CHD1L: variants seen among roughly 807,000 people sequenced by gnomAD.
The protein encoded by CHD1L is chromodomain helicase DNA binding protein 1 like, also known as ATP-dependent chromatin remodeler CHD1L.
In CHD1L, 118 loss-of-function variants were observed where a neutral mutation model predicts 115.9. The observed-to-expected ratio is 1.02, with a 90% CI of 0.88 to 1.19. CHD1L has a LOEUF of 1.19. Among genes scored for constraint, CHD1L ranks in the 50% most tolerant of loss-of-function variants. The pLI, the probability that CHD1L is intolerant of heterozygous loss-of-function variation, is 0.00. For synonymous variants in CHD1L, 411 were observed against 387.1 expected (o/e 1.06, Z -0.72); for missense variants, 1,179 against 1,065.3 (o/e 1.11, Z -1.49).
At chr1:147,191,844 G>A in the CHD1L span, among the ~76,000 whole-genome samples, 642 of 152,084 alleles carry the variant, frequency 4.2e-3, 4 homozygotes, top group South Asian at 0.018. Context: ...TATTTCTGAG[G>A]GCTCTGTCCT....
intron 19 of CHD1L, among the ~76,000 whole-genome samples, chr1:147,291,101 A>C (rs1685353239): frequency 1.3e-5 from 2 of 152,176 alleles, no homozygotes; most frequent in Non-Finnish European, 2.9e-5. Context: ...ATATTATACA[A>C]ACAGGTAGAG....
In CHD1L at chr1:147,291,487, A is replaced by T. The variant is rs782292994; in HGVS notation, c.2326A>T (p.Ser776Cys). Residue 776 changes from serine to cysteine, a missense_variant, in exon 20 of 23, where the codon AGT becomes TGT. Coordinates refer to ENST00000369258, the MANE Select transcript of CHD1L (RefSeq NM_004284.6). ...TCCTTTCTGTTTTACCTCAGACCTG[A>T]GTTTGGGAGGTGTCCTTTTATTTCC... ...YELAGKMKDL[S>C]LGGVLLFPVD... 18 of 1,613,506 alleles carry T rather than the reference A, an allele frequency of 1.1e-5. No individual in the cohort carries two copies. The African/African-American group carries it at 2.4e-4, about 22-fold the overall frequency.
intron 17 of CHD1L, 98 bp from the exon 18 acceptor site, chr1:147,286,200 A>G (rs1304039989): frequency 8.6e-7 from 1 of 1,169,000 alleles, no homozygotes; most frequent in East Asian, 2.5e-5. Context: ...TTGCATTTCT[A>G]CTTGGCAGAT....
chr1:147,215,807 A>G, the CHD1L span: 1 of 1,613,408 alleles, frequency 6.2e-7, no homozygotes, highest in Non-Finnish European at 8.5e-7. Context: ...ATCCTGAAAT[A>G]CTCCAGGACC....
At chr1:147,223,387 T>TC in the CHD1L span, among the ~76,000 whole-genome samples, 43 of 152,360 alleles carry the variant, frequency 2.8e-4, no homozygotes, top group East Asian at 8.1e-3. Context: ...GGATTGTATT[T>TC]CGGTTCAACT....
At chr1:147,245,327 C>T (rs1344565249) in intron 1 of CHD1L, among the ~76,000 whole-genome samples, 1 of 152,232 alleles carries the variant, frequency 6.6e-6, no homozygotes, top group Non-Finnish European at 1.5e-5. Context: ...CACTTAGCTA[C>T]TACCTCATGG....
At chr1:147,241,525 C>G (rs148132869), upstream of CHD1L, among the ~76,000 whole-genome samples, 13,376 of 152,166 alleles carry the variant, frequency 0.088, 661 homozygotes, top group East Asian at 0.16. Context: ...CCCACCTGCA[C>G]CCAGGTGAAA....
intron 3 of CHD1L, among the ~76,000 whole-genome samples, 161 bp from the exon 4 acceptor site, chr1:147,255,652 A>G (rs1425379507): frequency 6.6e-6 from 1 of 152,190 alleles, no homozygotes; most frequent in Non-Finnish European, 1.5e-5. Flanking sequence ...CTGAGGTTCA[A>G]CCATTTTTTT....
At position 147,267,410 on chromosome 1, in the gene CHD1L, T is replaced by A; in HGVS notation, c.896-16T>A. On this transcript the variant is annotated splice_polypyrimidine_tract_variant and intron_variant, in intron 8 of 22. Coordinates refer to ENST00000369258, the MANE Select transcript of CHD1L (RefSeq NM_004284.6). ...GGCCATCTCTTTCTGTCTCTCTCTT[T>A]TTTTTTAAATTTCAGATGCATTTGA... The A allele has an allele frequency of 6.3e-7, 1 of 1,599,918 alleles. No homozygotes were observed. The highest frequency in any genetic ancestry group is 8.6e-7 in the Non-Finnish European group (1 of 1,168,742).
chr1:147,198,096 A>G, the CHD1L span, among the ~76,000 whole-genome samples: 3 of 152,268 alleles, frequency 2.0e-5, no homozygotes, highest in Admixed American at 6.5e-5. Context: ...TAATGTTATG[A>G]GAGAAAAGAG....
chr1:147,238,620 C>T (rs1334629172), upstream of CHD1L, among the ~76,000 whole-genome samples: 1 of 152,154 alleles, frequency 6.6e-6, no homozygotes, highest in Non-Finnish European at 1.5e-5. Context: ...GGGAGTTAAT[C>T]ACGACTCACA....
chr1:147,290,575 C>T (rs1000635982), intron 19 of CHD1L, among the ~76,000 whole-genome samples: 2 of 152,174 alleles, frequency 1.3e-5, no homozygotes, highest in Non-Finnish European at 2.9e-5. Flanking sequence ...TTTGTAAAAT[C>T]TGTTGTGATA....
At chr1:147,212,887 T>C in the CHD1L span, among the ~76,000 whole-genome samples, 2 of 152,140 alleles carry the variant, frequency 1.3e-5, no homozygotes, top group Admixed American at 6.5e-5. Context: ...TATATTCTTA[T>C]ATACTTTAGA....
chr1:147,279,987 A>G (rs149417841), intron 14 of CHD1L, 39 bp from the exon 15 acceptor site: 163 of 1,609,646 alleles, frequency 1.0e-4, no homozygotes, highest in Non-Finnish European at 1.3e-4. Context: ...GTTTCTTTTC[A>G]TGAGAATTTG....
At chr1:147,246,591 A>T (rs1666694563) in intron 1 of CHD1L, among the ~76,000 whole-genome samples, 1 of 152,168 alleles carries the variant, frequency 6.6e-6, no homozygotes, top group East Asian at 1.9e-4. Context: ...TTTTATATTG[A>T]CTATTCTAAT....
chr1:147,262,088 T>C (rs946925866), intron 6 of CHD1L, among the ~76,000 whole-genome samples: 1 of 150,534 alleles, frequency 6.6e-6, no homozygotes, highest in Non-Finnish European at 1.5e-5. Flanking sequence ...CCCAGCTACT[T>C]GGGAGGCTGA....
At chr1:147,250,586 A>G (rs782592654) in intron 1 of CHD1L, among the ~76,000 whole-genome samples, 22 of 152,074 alleles carry the variant, frequency 1.4e-4, no homozygotes, top group Non-Finnish European at 2.9e-4. Context: ...TGGTGGGGAT[A>G]AAAATCCCAG....
At chr1:147,279,917 A>G (rs1232651340) in intron 14 of CHD1L, 109 bp from the exon 15 acceptor site, 1 of 1,119,576 alleles carries the variant, frequency 8.9e-7, no homozygotes, top group African/African-American at 1.5e-5. Flanking sequence ...CTGCCTGTTC[A>G]TTAGAGAAGG....
intron 19 of CHD1L, among the ~76,000 whole-genome samples, chr1:147,290,369 G>C (rs1183352240): frequency 6.6e-6 from 1 of 152,138 alleles, no homozygotes; most frequent in African/African-American, 2.4e-5. Context: ...ACACACATAA[G>C]CCACTGCACC....
Sources: allele counts gnomAD v4.1 joint callset (sites outside exome capture counted in the v4.1 genomes callset), GRCh38; gene constraint gnomAD v4.1.1; transcripts MANE v1.5; gene names NCBI Gene and HGNC (gene_info 2026-07-23, HGNC 2026-07-21).